Variants in DLC1 observed in about 807,000 individuals in gnomAD.
DLC1 encodes DLC1 Rho GTPase activating protein.
DLC1 carries 54 observed loss-of-function variants against 140.3 expected under a neutral mutation model. The ratio of observed to expected loss-of-function variants is 0.38; its 90% CI spans 0.31 to 0.48. DLC1 has a LOEUF of 0.48. Among genes scored for constraint, DLC1 ranks in the 20% least tolerant of loss-of-function variants. DLC1 has a pLI of 0.96. For missense variants in DLC1, 2,536 were observed against 1,907.0 expected (o/e 1.33, Z -6.14); for synonymous variants, 986 against 728.1 (o/e 1.35, Z -5.70).
chr8:13,257,863 T>C (rs1435937098), intron 5 of DLC1, among the ~76,000 whole-genome samples: 5 of 152,196 alleles, frequency 3.3e-5, no homozygotes, highest in African/African-American at 1.2e-4. Flanking sequence ...ATAACATCTT[T>C]AGTCAGGAGC....
chr8:13,318,799 G>A (rs1422984015), intron 4 of DLC1, among the ~76,000 whole-genome samples: 1 of 152,146 alleles, frequency 6.6e-6, no homozygotes, highest in Non-Finnish European at 1.5e-5. Context: ...GTCCTTGGCC[G>A]GCTGAACCTT....
rs547508274 is a variant in DLC1 at position 13,194,776 on chromosome 8, G to T, written c.1349-79119C>A. ...TAATCCCAGCACTTTGGGAGGCTGA[G>T]GTGGGAGGATTTCTTGATCTCAGAA... On this transcript the variant is annotated intron_variant, in intron 5 of 17. Transcript: ENST00000276297. Among the ~76,000 whole-genome samples the T allele has an allele frequency of 1.9e-3, 287 of 152,328 alleles. 2 individuals are homozygous for T. The highest frequency in any genetic ancestry group is 3.4e-3 in the Non-Finnish European group (232 of 68,024).
At chr8:13,297,115 C>G (rs1261397183) in intron 5 of DLC1, among the ~76,000 whole-genome samples, 1 of 150,208 alleles carries the variant, frequency 6.7e-6, no homozygotes, top group Admixed American at 6.6e-5. Context: ...TCATGAATTC[C>G]TTGATACCTG....
At chr8:13,183,990 A>G (rs546967067) in intron 5 of DLC1, among the ~76,000 whole-genome samples, 2 of 152,312 alleles carry the variant, frequency 1.3e-5, no homozygotes, top group African/African-American at 2.4e-5. Flanking sequence ...CCTCAATTTC[A>G]GAGCCTGTTA....
chr8:13,485,301 C>T (rs1350100252), intron 2 of DLC1, among the ~76,000 whole-genome samples: 3 of 152,192 alleles, frequency 2.0e-5, no homozygotes, highest in Non-Finnish European at 2.9e-5. Context: ...GTTTTATTCA[C>T]TCATCATAAA....
intron 2 of DLC1, among the ~76,000 whole-genome samples, chr8:13,451,901 G>A (rs1440332202): frequency 6.6e-6 from 1 of 152,142 alleles, no homozygotes; most frequent in Admixed American, 6.5e-5. Context: ...TAGGATTGCT[G>A]GATCATATGG....
chr8:13,348,340 T>C (rs940784770), intron 4 of DLC1, among the ~76,000 whole-genome samples: 1 of 152,122 alleles, frequency 6.6e-6, no homozygotes, highest in African/African-American at 2.4e-5. Flanking sequence ...ACTAGTGATA[T>C]AGGCGGTGCC....
At chr8:13,294,049 A>G (rs188423171) in intron 5 of DLC1, among the ~76,000 whole-genome samples, 132 of 152,304 alleles carry the variant, frequency 8.7e-4, no homozygotes, top group African/African-American at 2.8e-3. Flanking sequence ...TACTATTAAT[A>G]TTATAGTGTC....
chr8:13,396,024 G>T (rs1398178607), intron 3 of DLC1, among the ~76,000 whole-genome samples: 2 of 151,072 alleles, frequency 1.3e-5, no homozygotes, highest in African/African-American at 2.4e-5. Flanking sequence ...TTGACCTTTA[G>T]GTATATCAGA....
chr8:13,581,839 A>T (rs533834724), intron 1 of DLC1, among the ~76,000 whole-genome samples: 73 of 152,010 alleles, frequency 4.8e-4, no homozygotes, highest in Admixed American at 2.1e-3. Context: ...CACTCTCTTC[A>T]TGTTTTCGGT....
At chr8:13,121,841 C>A (rs188818453) in intron 5 of DLC1, among the ~76,000 whole-genome samples, 2 of 152,256 alleles carry the variant, frequency 1.3e-5, no homozygotes, top group Admixed American at 6.5e-5. Flanking sequence ...GCGTGAACCA[C>A]CCGTGCCTGG....
intron 2 of DLC1, among the ~76,000 whole-genome samples, chr8:13,496,786 C>CTT (rs869192950): frequency 7.2e-4 from 17 of 23,498 alleles, no homozygotes; most frequent in African/African-American, 1.9e-3. Context: ...AGACCATTTC[C>CTT]TTTTTTTTTT....
At chr8:13,265,069 T>C (rs931520674) in intron 5 of DLC1, among the ~76,000 whole-genome samples, 6 of 152,206 alleles carry the variant, frequency 3.9e-5, no homozygotes, top group African/African-American at 1.4e-4. Flanking sequence ...ATGGGTCAGC[T>C]TTTTCCTATA....
At chr8:13,106,819 G>A (rs560538022) in intron 7 of DLC1, among the ~76,000 whole-genome samples, 10 of 152,342 alleles carry the variant, frequency 6.6e-5, no homozygotes, top group African/African-American at 1.9e-4. Flanking sequence ...CTTCTTTGCT[G>A]TGTTTATAGA....
chr8:13,554,492 T>C (rs1464051805), intron 1 of DLC1, among the ~76,000 whole-genome samples: 2 of 152,098 alleles, frequency 1.3e-5, no homozygotes, highest in African/African-American at 4.8e-5. Context: ...AGAGGTAAAA[T>C]TTCCAAAAGC....
At chr8:13,407,673 ATAAATTAAATGC>A (rs1386258015) in intron 2 of DLC1, among the ~76,000 whole-genome samples, 3 of 152,228 alleles carry the variant, frequency 2.0e-5, no homozygotes, top group Non-Finnish European at 4.4e-5. Context: ...CATAGTCATG[ATAAATTAAATGC>A]TAAACCGGGA....
chr8:13,574,090 G>A (rs1804756097), intron 1 of DLC1, among the ~76,000 whole-genome samples: 1 of 152,098 alleles, frequency 6.6e-6, no homozygotes, highest in Admixed American at 6.5e-5. Flanking sequence ...CTAGAATTCT[G>A]TAATCTGTCA....
chr8:13,446,873 C>T (rs769333553), intron 2 of DLC1, among the ~76,000 whole-genome samples: 12 of 151,132 alleles, frequency 7.9e-5, no homozygotes, highest in South Asian at 2.1e-4. Context: ...ACCCGGGAGG[C>T]GGAAGTTGCA....
intron 4 of DLC1, among the ~76,000 whole-genome samples, chr8:13,312,411 A>T (rs1832713432): frequency 6.7e-6 from 1 of 149,482 alleles, no homozygotes; most frequent in Non-Finnish European, 1.5e-5. Context: ...CAAGCTAGAT[A>T]AACAGAAAGA....
Sources: allele counts gnomAD v4.1 joint callset (sites outside exome capture counted in the v4.1 genomes callset), GRCh38; gene constraint gnomAD v4.1.1; transcripts MANE v1.5; gene names NCBI Gene and HGNC (gene_info 2026-07-23, HGNC 2026-07-21).